Variants in TSHR observed in about 807,000 individuals in gnomAD.
TSHR encodes thyroid stimulating hormone receptor, also known as thyrotropin receptor.
A neutral mutation model predicts 64.1 loss-of-function variants in TSHR; 51 were observed. The ratio of observed to expected loss-of-function variants is 0.80; its 90% CI spans 0.64 to 1.01. TSHR has a LOEUF of 1.01. TSHR is among the 50% of genes least tolerant of loss of function. The probability of loss-of-function intolerance (pLI) is 0.00; values close to 1 mark genes in which losing one functional copy is unlikely to be tolerated. For synonymous variants in TSHR, 361 were observed against 361.9 expected (o/e 1.00, Z 0.03); for missense variants, 877 against 942.8 (o/e 0.93, Z 0.91).
chr14:80,965,734 T>C (rs1346894690), intron 1 of TSHR, among the ~76,000 whole-genome samples: 1 of 152,256 alleles, frequency 6.6e-6, no homozygotes, highest in African/African-American at 2.4e-5. Flanking sequence ...CCCTACTTAC[T>C]TGGCTTCATT....
At chr14:81,080,574 C>G (rs1428110995) in intron 3 of TSHR, among the ~76,000 whole-genome samples, 1 of 141,810 alleles carries the variant, frequency 7.1e-6, no homozygotes, top group Non-Finnish European at 1.5e-5. Context: ...CTCAATATCT[C>G]TTATTTTTAA....
chr14:80,977,047 C>A lies in TSHR; in HGVS notation c.170+21197C>A, dbSNP rs894558296. 4.6e-5 allele frequency among the ~76,000 whole-genome samples: 7 copies of A among 152,350 alleles called. No individual in the cohort carries two copies. The Middle Eastern group carries it at 0.01, about 222-fold the overall frequency. On this transcript the variant is annotated intron_variant, in intron 1 of 9. Transcript: ENST00000298171. ...GCTCTTGCATTGCTCTATAGAGCTACCTTCTCTGGATTATGTGATATGTGA... is the reference window on the plus strand; with the variant it reads ...GCTCTTGCATTGCTCTATAGAGCTAACTTCTCTGGATTATGTGATATGTGA...
rs143272512 is a variant in TSHR, at chr14:81,125,070, T to C, written c.693-14609T>C. ...GACACAGCCTCTGCTTTAAAAAGGT[T>C]ACAGTCAAATTTAGGAGAAATGTGA... On this transcript the variant is annotated intron_variant, in intron 8 of 9. Coordinates refer to ENST00000298171, the MANE Select transcript of TSHR (RefSeq NM_000369.5). Among the ~76,000 whole-genome samples, 912 of 152,326 alleles carry C rather than the reference T, an allele frequency of 6.0e-3. 11 individuals carry two copies. Among genetic ancestry groups the C allele is most frequent in the African/African-American group, 0.021 (883 of 41,546 alleles).
At chr14:81,094,678 A>ATTTTTTTTT (rs1889012799) in intron 6 of TSHR, among the ~76,000 whole-genome samples, 3 of 78,516 alleles carry the variant, frequency 3.8e-5, no homozygotes, top group African/African-American at 2.0e-4. Flanking sequence ...TTATTTTTTT[A>ATTTTTTTTT]ATTTTTTTTT....
In TSHR at chr14:81,091,067, A is replaced by T; in HGVS notation, c.393-2A>T. Reference sequence around the variant, plus strand: ...TTTTTTCTCTTTTTTTCATTAATTTAGTGGCATTTTCAACACTGGACTTAA... The same window carrying T: ...TTTTTTCTCTTTTTTTCATTAATTTTGTGGCATTTTCAACACTGGACTTAA... On this transcript the variant is annotated splice_acceptor_variant, in intron 4 of 9. Coordinates refer to ENST00000298171, the MANE Select transcript of TSHR (RefSeq NM_000369.5). LOFTEE classifies it high-confidence loss of function. 1 of 1,609,600 alleles carries T rather than the reference A, an allele frequency of 6.2e-7. No homozygotes were observed. Among genetic ancestry groups the T allele is most frequent in the Non-Finnish European group, 8.5e-7 (1 of 1,178,488 alleles).
chr14:80,974,146 G>C (rs934600524), intron 1 of TSHR, among the ~76,000 whole-genome samples: 1 of 152,162 alleles, frequency 6.6e-6, no homozygotes, highest in Non-Finnish European at 1.5e-5. Flanking sequence ...AGGTCTGAGA[G>C]CCTGTCAGAT....
chr14:80,967,521 G>A (rs1594897666), intron 1 of TSHR, among the ~76,000 whole-genome samples: 1 of 151,994 alleles, frequency 6.6e-6, no homozygotes, highest in Non-Finnish European at 1.5e-5. Context: ...CTGACCTCAG[G>A]GGATCTGGCC....
At chr14:81,094,755 C>T (rs1481487546) in intron 6 of TSHR, among the ~76,000 whole-genome samples, 7 of 122,962 alleles carry the variant, frequency 5.7e-5, no homozygotes, top group South Asian at 2.6e-4. Context: ...GGTGCGATCT[C>T]GGCTTACTGC....
chr14:81,045,579 T>C (rs1057296074), intron 1 of TSHR, among the ~76,000 whole-genome samples: 57 of 152,094 alleles, frequency 3.7e-4, no homozygotes, highest in African/African-American at 1.4e-3. Context: ...GTGTACATCG[T>C]TCCCCCTCAC....
chr14:81,099,963 GAC>G (rs1045814474), intron 7 of TSHR, among the ~76,000 whole-genome samples: 7 of 152,112 alleles, frequency 4.6e-5, no homozygotes, highest in Non-Finnish European at 1.0e-4. Context: ...CATAAAATTA[GAC>G]ACAGAGTATC....
At chr14:81,074,165 A>T (rs1190906737) in intron 3 of TSHR, among the ~76,000 whole-genome samples, 1 of 152,200 alleles carries the variant, frequency 6.6e-6, no homozygotes, top group Non-Finnish European at 1.5e-5. Flanking sequence ...GAATGAGTTT[A>T]AAAATAAATT....
chr14:81,063,384 G>T (rs1177698755), intron 2 of TSHR, among the ~76,000 whole-genome samples: 1 of 151,782 alleles, frequency 6.6e-6, no homozygotes, highest in Non-Finnish European at 1.5e-5. Context: ...CCATTCCTTG[G>T]GCTGCACTAT....
At chr14:81,003,369 C>T (rs910993878) in intron 1 of TSHR, 1 of 153,092 alleles carries the variant, frequency 6.5e-6, no homozygotes, top group East Asian at 1.9e-4. Flanking sequence ...TTAGCCCTGA[C>T]CTCTTCCTTG....
chr14:80,965,238 T>C (rs1887242429), intron 1 of TSHR, among the ~76,000 whole-genome samples: 4 of 152,198 alleles, frequency 2.6e-5, no homozygotes, highest in African/African-American at 7.2e-5. Context: ...TCAGCATTCC[T>C]TCTGGGTGGA....
intron 8 of TSHR, among the ~76,000 whole-genome samples, chr14:81,110,094 A>AT (rs200114455): frequency 0.014 from 2,110 of 152,300 alleles, 20 homozygotes; most frequent in Middle Eastern, 0.037. Flanking sequence ...GATTTTCCTG[A>AT]TAAAAAATTG....
chr14:81,111,247 A>C (rs1890212073), intron 8 of TSHR, among the ~76,000 whole-genome samples: 1 of 152,242 alleles, frequency 6.6e-6, no homozygotes, highest in African/African-American at 2.4e-5. Flanking sequence ...TCATGAAAAT[A>C]AAGTCAACCA....
Position 81,057,630 on chromosome 14 carries a change from C to T in TSHR, c.171-4518C>T, listed in dbSNP as rs140170861. Reference sequence around the variant, plus strand: ...AGTTCAGTGAAATATACTTGGTACACCTCAGTGAAATACTGGCTGATTGAT... The same window carrying T: ...AGTTCAGTGAAATATACTTGGTACATCTCAGTGAAATACTGGCTGATTGAT... On this transcript the variant is annotated intron_variant, in intron 1 of 9. Transcript: ENST00000298171. Among the ~76,000 whole-genome samples, 1,270 of 152,294 alleles carry T rather than the reference C, an allele frequency of 8.3e-3. 22 individuals are homozygous for T. Among genetic ancestry groups the T allele is most frequent in the African/African-American group, 0.028 (1,181 of 41,562 alleles).
chr14:81,047,763 C>T (rs752459028), intron 1 of TSHR, among the ~76,000 whole-genome samples: 1 of 151,004 alleles, frequency 6.6e-6, no homozygotes, highest in Non-Finnish European at 1.5e-5. Flanking sequence ...TCTCCTGCCT[C>T]AGCCTCCCGA....
At chr14:81,093,689 A>C (rs1266245161) in intron 6 of TSHR, 1 of 152,246 alleles carries the variant, frequency 6.6e-6, no homozygotes, top group Non-Finnish European at 1.5e-5. Flanking sequence ...TTCTGAGAGC[A>C]ATGGAGCATT....
Sources: gnomAD v4.1 joint callset for allele counts (sites outside exome capture counted in the v4.1 genomes callset) on GRCh38, gnomAD v4.1.1 for gene constraint, MANE v1.5 for transcripts, NCBI Gene and HGNC (gene_info 2026-07-23, HGNC 2026-07-21) for gene names.